Variants in ADAM22 observed in about 807,000 individuals in gnomAD.
ADAM22 encodes the protein disintegrin and metalloproteinase domain-containing protein 22.
A neutral mutation model predicts 144.6 loss-of-function variants in ADAM22; 65 were observed. The ratio of observed to expected loss-of-function variants is 0.45; its 90% CI spans 0.37 to 0.55. ADAM22 has a LOEUF of 0.55. Ranked by LOEUF, ADAM22 falls within the 20% of genes least tolerant of loss-of-function variation. The pLI is 0.00. For missense variants in ADAM22, 974 were observed against 1,184.9 expected (o/e 0.82, Z 2.61); for synonymous variants, 391 against 412.6 (o/e 0.95, Z 0.63).
intron 3 of ADAM22, among the ~76,000 whole-genome samples, chr7:87,998,516 G>A (rs1791777841): frequency 6.6e-6 from 1 of 151,942 alleles, no homozygotes; most frequent in Non-Finnish European, 1.5e-5. Context: ...TCAGCCTCCC[G>A]AGTAGCTGCG....
At chr7:88,024,674 T>C (rs1339406443) in intron 3 of ADAM22, among the ~76,000 whole-genome samples, 1 of 151,334 alleles carries the variant, frequency 6.6e-6, no homozygotes, top group East Asian at 1.9e-4. Flanking sequence ...TAACATTAGG[T>C]AAATCTCCTA....
chr7:88,193,048 C>T, intron 30 of ADAM22, 68 bp from the exon 31 acceptor site: 1 of 1,593,388 alleles, frequency 6.3e-7, no homozygotes, highest in South Asian at 1.1e-5. Flanking sequence ...GTTCTGAACA[C>T]ACTTTTCAGA....
chr7:87,956,944 A>G (rs1846928582), intron 2 of ADAM22, among the ~76,000 whole-genome samples: 1 of 152,186 alleles, frequency 6.6e-6, no homozygotes, highest in Non-Finnish European at 1.5e-5. Flanking sequence ...AAAATTACTT[A>G]TTCTTATTAC....
At chr7:88,037,072 A>G (rs942961388) in intron 3 of ADAM22, among the ~76,000 whole-genome samples, 3 of 152,102 alleles carry the variant, frequency 2.0e-5, no homozygotes, top group East Asian at 1.9e-4. Context: ...TTCATTGGAC[A>G]TTTATGTTAT....
intron 3 of ADAM22, among the ~76,000 whole-genome samples, chr7:87,982,510 A>G (rs1420919661): frequency 1.3e-5 from 2 of 151,334 alleles, no homozygotes; most frequent in Non-Finnish European, 2.9e-5. Context: ...GCGGTTGGAA[A>G]AGTAGAAGGA....
chr7:88,044,738 T>A (rs544807090), intron 3 of ADAM22, among the ~76,000 whole-genome samples: 84 of 140,258 alleles, frequency 6.0e-4, no homozygotes, highest in African/African-American at 2.2e-3. Context: ...CTGGCCTTTT[T>A]TTTTGAGAGG....
chr7:87,977,001 G>A (rs1175625472), intron 2 of ADAM22, among the ~76,000 whole-genome samples: 1 of 151,904 alleles, frequency 6.6e-6, no homozygotes, highest in African/African-American at 2.4e-5. Context: ...GTGGCTCCAA[G>A]AACTACCATA....
intron 3 of ADAM22, among the ~76,000 whole-genome samples, chr7:88,053,576 AAAGG>A (rs1405424848): frequency 5.8e-5 from 7 of 121,564 alleles, no homozygotes; most frequent in Middle Eastern, 4.1e-3. Flanking sequence ...AGGAAGGAGG[AAAGG>A]AAGGAAGGAA....
chr7:88,082,553 C>T (rs1220953380), intron 4 of ADAM22, among the ~76,000 whole-genome samples: 2 of 152,068 alleles, frequency 1.3e-5, no homozygotes. Context: ...AACAGGCAAC[C>T]TACAAAATGG....
intron 2 of ADAM22, among the ~76,000 whole-genome samples, chr7:87,954,100 T>G (rs1846001918): frequency 6.6e-6 from 1 of 152,196 alleles, no homozygotes; most frequent in East Asian, 1.9e-4. Context: ...TTATCCAATT[T>G]GCCAGTCTGT....
At chr7:88,182,161 C>T (rs1314893614) in intron 29 of ADAM22, 137 bp downstream of exon 29, 5 of 734,500 alleles carry the variant, frequency 6.8e-6, no homozygotes, top group Non-Finnish European at 1.1e-5. Context: ...CTTTTTTGCC[C>T]TTTAAAAATT....
At chr7:88,036,894 A>G (rs1801641275) in intron 3 of ADAM22, among the ~76,000 whole-genome samples, 1 of 152,078 alleles carries the variant, frequency 6.6e-6, no homozygotes, top group Non-Finnish European at 1.5e-5. Flanking sequence ...TTCCTTTCCC[A>G]ATGAGAATAT....
chr7:88,190,620 G>T (rs991536913), intron 30 of ADAM22, among the ~76,000 whole-genome samples: 1 of 152,154 alleles, frequency 6.6e-6, no homozygotes, highest in African/African-American at 2.4e-5. Flanking sequence ...TGAATGAGCT[G>T]GGCTGGTGCC....
intron 23 of ADAM22, among the ~76,000 whole-genome samples, chr7:88,164,925 G>C (rs964068167): frequency 1.3e-5 from 2 of 152,012 alleles, no homozygotes; most frequent in Admixed American, 1.3e-4. Context: ...TCAAATCCAG[G>C]CCTTTTGATT....
chr7:88,033,433 G>A (rs947966375), intron 3 of ADAM22, among the ~76,000 whole-genome samples: 14 of 152,230 alleles, frequency 9.2e-5, no homozygotes, highest in African/African-American at 3.4e-4. Flanking sequence ...CTGGGGCTGA[G>A]TGTCGGGGTG....
chr7:87,957,682 G>A (rs1847109002), intron 2 of ADAM22, among the ~76,000 whole-genome samples: 1 of 152,098 alleles, frequency 6.6e-6, no homozygotes, highest in South Asian at 2.1e-4. Context: ...CAGGGTTCAA[G>A]CAATTCTCCT....
At chr7:88,019,896 T>C (rs983147812) in intron 3 of ADAM22, among the ~76,000 whole-genome samples, 1 of 150,580 alleles carries the variant, frequency 6.6e-6, no homozygotes, top group African/African-American at 2.5e-5. Context: ...TGTGTGTGTG[T>C]GTGTGTGTAG....
At position 88,020,277 on chromosome 7, in the gene ADAM22, C is replaced by A. The variant is rs367889757; in HGVS notation, c.323+41865C>A. On this transcript the variant is annotated intron_variant, in intron 3 of 31. Transcript: ENST00000413139. ...CATTAGTATATTTTTTTCCTGGGAC[C>A]TCATTCAGGCCAGAACCACCATCTC... Among the ~76,000 whole-genome samples the A allele has an allele frequency of 1.5e-4, 23 of 152,238 alleles. No individual in the cohort carries two copies. In the South Asian group the frequency reaches 4.4e-3, roughly 29 times the overall value.
Position 88,168,172 on chromosome 7 carries a change from G to T in ADAM22, c.2227G>T (p.Ala743Ser). 2 of 1,613,012 alleles carry T rather than the reference G, an allele frequency of 1.2e-6. No homozygotes were observed. Among genetic ancestry groups the T allele is most frequent in the Non-Finnish European group, 8.5e-7 (1 of 1,179,504 alleles). Residue 743 changes from alanine to serine, a missense_variant, in exon 25 of 32, where the codon GCT becomes TCT. By Grantham distance (99) the Ala-to-Ser change is moderately conservative. Around this residue, in one of 2 missense-constraint regions of ADAM22, gnomAD observed 734 missense variants for 950.6 expected, o/e 0.77. Transcript: ENST00000413139. ...CACCAATATCATAATAGGCATAATT[G>T]CTGGCACCATTTTAGTGCTGGCCCT... Reference protein sequence around the residue: ...AGTNIIIGIIAGTILVLALIL... With the variant: ...AGTNIIIGIISGTILVLALIL...
Sources: gnomAD v4.1 joint callset for allele counts (sites outside exome capture counted in the v4.1 genomes callset) on GRCh38, gnomAD v4.1.1 for gene constraint, gnomAD v4.1.1 regional missense constraint, MANE v1.5 for transcripts, NCBI Gene and HGNC (gene_info 2026-07-23, HGNC 2026-07-21) for gene names.